The following DPP6 variants were observed in gnomAD, a reference collection of about 807,000 sequenced individuals.
DPP6 encodes dipeptidyl peptidase like 6.
Under a neutral mutation model 122.6 loss-of-function variants are expected in DPP6, and 69 were observed. The ratio of observed to expected loss-of-function variants is 0.56; its 90% CI spans 0.46 to 0.69. DPP6 has a LOEUF of 0.69. Ranked by LOEUF, DPP6 falls within the 30% of genes least tolerant of loss-of-function variation. DPP6 has a pLI of 0.00. For missense variants in DPP6, 928 were observed against 1,116.9 expected (o/e 0.83, Z 2.41); for synonymous variants, 418 against 433.1 (o/e 0.97, Z 0.43).
chr7:154,765,973 G>T (rs1166631168), intron 8 of DPP6, among the ~76,000 whole-genome samples: 2 of 152,198 alleles, frequency 1.3e-5, no homozygotes, highest in Non-Finnish European at 1.5e-5. Flanking sequence ...AAAAATGTTT[G>T]CAGAATAGGG....
chr7:153,884,987 A>AATACATACATATATATATATAT (rs1209555021), upstream of DPP6, among the ~76,000 whole-genome samples: 77 of 116,460 alleles, frequency 6.6e-4, 3 homozygotes, highest in South Asian at 9.2e-3. Flanking sequence ...TCAAAACAAA[A>AATACATACATATATATATATAT]ATATATATAT....
chr7:153,950,689 G>T (rs930995745), intron 1 of DPP6, among the ~76,000 whole-genome samples: 8 of 152,152 alleles, frequency 5.3e-5, no homozygotes, highest in Non-Finnish European at 1.2e-4. Flanking sequence ...GAAAATAAGT[G>T]TCCTATTTCT....
chr7:153,787,569 A>G, the DPP6 span, among the ~76,000 whole-genome samples: 1 of 125,842 alleles, frequency 7.9e-6, no homozygotes, highest in South Asian at 3.0e-4. Flanking sequence ...ATTGAAGACC[A>G]GTCTGGGCAA....
the DPP6 span, among the ~76,000 whole-genome samples, chr7:153,845,758 G>T: frequency 1.3e-5 from 2 of 151,990 alleles, no homozygotes; most frequent in Non-Finnish European, 2.9e-5. Context: ...TAGGCATTTT[G>T]ATATACATAT....
At chr7:154,756,596 C>A (rs1482628938) in intron 8 of DPP6, among the ~76,000 whole-genome samples, 1 of 152,080 alleles carries the variant, frequency 6.6e-6, no homozygotes, top group Non-Finnish European at 1.5e-5. Context: ...CCTCGAAAGT[C>A]TAGCTCCTGA....
intron 7 of DPP6, among the ~76,000 whole-genome samples, chr7:154,694,630 G>C (rs1840112834): frequency 6.6e-6 from 1 of 151,986 alleles, no homozygotes; most frequent in African/African-American, 2.4e-5. Context: ...AAACCAGAAG[G>C]CATAGGAATC....
At chr7:154,305,036 GCC>G (rs1394576772) in intron 1 of DPP6, 1 of 14,876 alleles carries the variant, frequency 6.7e-5, no homozygotes, top group East Asian at 3.3e-3. Context: ...CCCAGCCCCA[GCC>G]CCAGCCCCAG....
At chr7:153,999,980 G>GAAAA (rs3980025) in intron 1 of DPP6, among the ~76,000 whole-genome samples, 1 of 142,972 alleles carries the variant, frequency 7.0e-6, no homozygotes, top group African/African-American at 2.6e-5. Flanking sequence ...AAGAAAGAAA[G>GAAAA]AAAAAAAAAA....
At chr7:154,693,026 A>G (rs1455469565) in intron 7 of DPP6, among the ~76,000 whole-genome samples, 1 of 152,174 alleles carries the variant, frequency 6.6e-6, no homozygotes, top group Non-Finnish European at 1.5e-5. Flanking sequence ...TCCTGGGCTC[A>G]AGTAATCCTC....
chr7:154,847,210 C>T (rs1802011853), intron 16 of DPP6, among the ~76,000 whole-genome samples: 2 of 152,142 alleles, frequency 1.3e-5, no homozygotes, highest in Admixed American at 6.5e-5. Context: ...ACGGCTTCAC[C>T]CTCTTGTAGT....
intron 1 of DPP6, among the ~76,000 whole-genome samples, chr7:153,929,588 TG>T (rs1801079194): frequency 1.3e-5 from 2 of 151,874 alleles, no homozygotes; most frequent in African/African-American, 2.4e-5. Context: ...AGAGCAGCCC[TG>T]GGGAAAGTAC....
In DPP6 at chr7:153,946,914, G is replaced by A. The variant is rs138714397; in HGVS notation, c.51+59180G>A. 4.1e-3 allele frequency among the ~76,000 whole-genome samples: 621 copies of A among 152,128 alleles called. 3 individuals are homozygous for A. The highest frequency in any genetic ancestry group is 7.0e-3 in the Non-Finnish European group (476 of 67,998). ...ACCATGGAGCAGTTTAACTTTTCCC[G>A]ACATAAAATGCGAATTTCCAAGCTG... On this transcript the variant is annotated intron_variant, in intron 1 of 25. Coordinates refer to the DPP6 transcript ENST00000404039.
intron 1 of DPP6, among the ~76,000 whole-genome samples, chr7:154,125,344 T>C (rs1345799613): frequency 1.3e-5 from 2 of 152,380 alleles, no homozygotes; most frequent in Admixed American, 1.3e-4. Flanking sequence ...CCTACATTTC[T>C]GAAAATTCTA....
At chr7:153,849,789 T>C in the DPP6 span, among the ~76,000 whole-genome samples, 2 of 152,224 alleles carry the variant, frequency 1.3e-5, no homozygotes, top group African/African-American at 4.8e-5. Context: ...TTGTTTCATA[T>C]ACATTTTGGC....
intron 3 of DPP6, among the ~76,000 whole-genome samples, chr7:154,503,035 C>T (rs10224486): frequency 0.26 from 39,674 of 152,018 alleles, 5,344 homozygotes; most frequent in Non-Finnish European, 0.29. Context: ...CTACCATGGA[C>T]GGTTCTATGT....
In DPP6 at chr7:154,680,686, A is replaced by ATATT. The variant is rs372444601; in HGVS notation, c.762+11246_762+11247insATTT. 6.7e-5 allele frequency among the ~76,000 whole-genome samples: 9 copies of ATATT among 133,498 alleles called. No homozygotes were observed. The East Asian group carries it at 1.4e-3, about 20-fold the overall frequency. 87.6% of individuals were successfully genotyped at this position (133,498 alleles called of 152,430 possible). A position where few individuals can be genotyped will look rare whatever the true frequency, so the allele number is the denominator to read the frequency against. Reference sequence around the variant, plus strand: ...TTGGTTAAAGCAACATTATATATATATTTTTTTTAAAAAAAAATTAAAAAG... The same window carrying ATATT: ...TTGGTTAAAGCAACATTATATATATATATTTTTTTTTTAAAAAAAAATTAAAAAG... On this transcript the variant is annotated intron_variant, in intron 7 of 25. Transcript: ENST00000377770.
Position 154,312,824 on chromosome 7 carries a change from A to G in DPP6, c.244-133390A>G, listed in dbSNP as rs1807026684. On this transcript the variant is annotated intron_variant, in intron 1 of 25. Transcript: ENST00000377770. Reference sequence around the variant, plus strand: ...CTTTGAGTAGGCTACCCACAGCAAGATGTGAGATCAGAACCAAAAAATATT... The same window carrying G: ...CTTTGAGTAGGCTACCCACAGCAAGGTGTGAGATCAGAACCAAAAAATATT... 3.9e-5 allele frequency among the ~76,000 whole-genome samples: 6 copies of G among 152,240 alleles called. No homozygotes were observed. The South Asian group carries it at 1.2e-3, about 32-fold the overall frequency.
upstream of DPP6, among the ~76,000 whole-genome samples, chr7:154,050,800 A>C (rs1475074962): frequency 4.7e-5 from 5 of 107,064 alleles, no homozygotes; most frequent in South Asian, 1.1e-3. Flanking sequence ...GCTATTTTTT[A>C]AAGTGTTTTT....
chr7:154,148,510 T>G (rs3115163), intron 1 of DPP6, among the ~76,000 whole-genome samples: 70,893 of 127,824 alleles, frequency 0.55, 16,463 homozygotes, highest in African/African-American at 0.59. Flanking sequence ...GGAGCGATGA[T>G]GTGAGCAGGC....
Sources: gnomAD v4.1 joint callset for allele counts (sites outside exome capture counted in the v4.1 genomes callset) on GRCh38, gnomAD v4.1.1 for gene constraint, MANE v1.5 for transcripts, NCBI Gene and HGNC (gene_info 2026-07-23, HGNC 2026-07-21) for gene names.